RASGRP3: variants seen among roughly 807,000 people sequenced by gnomAD.
RASGRP3 encodes RAS guanyl releasing protein 3.
A neutral mutation model predicts 82.7 loss-of-function variants in RASGRP3; 54 were observed. That is an observed-to-expected ratio of 0.65 (90% CI 0.52 to 0.82). RASGRP3 has a LOEUF of 0.82. RASGRP3 is among the 40% of genes least tolerant of loss of function. RASGRP3 has a pLI of 0.00. For missense variants in RASGRP3, 861 were observed against 828.9 expected (o/e 1.04, Z -0.48); for synonymous variants, 309 against 300.5 (o/e 1.03, Z -0.29).
chr2:33,527,161 G>T lies in RASGRP3; in HGVS notation c.832G>T (p.Val278Phe). The T allele has an allele frequency of 1.9e-6, 3 of 1,613,996 alleles. No homozygotes were observed. Among genetic ancestry groups the T allele is most frequent in the Admixed American group, 1.7e-5 (1 of 60,018 alleles). ...TKNWNEMTELVSSNGNYCNYR... is the reference protein window; with the variant it reads ...TKNWNEMTELFSSNGNYCNYR... ...GAACTGGAATGAAATGACAGAGTTG[G>T]TCTCCTCCAACGGCAATTACTGCAA... Residue 278 changes from valine to phenylalanine, a missense_variant, in exon 10 of 18, where the codon GTC becomes TTC. Coordinates refer to ENST00000403687, the MANE Select transcript of RASGRP3 (RefSeq NM_001139488.2).
chr2:33,507,594 C>T (rs1007883592), intron 1 of RASGRP3, among the ~76,000 whole-genome samples: 15 of 152,186 alleles, frequency 9.9e-5, no homozygotes, highest in African/African-American at 1.7e-4. Context: ...AGCAGGATCT[C>T]GACTCCCTGC....
chr2:33,448,241 A>T (rs1551485), intron 2 of RASGRP3, among the ~76,000 whole-genome samples: 53,004 of 151,934 alleles, frequency 0.35, 11,755 homozygotes, highest in Non-Finnish European at 0.49. Flanking sequence ...TTCAACTACT[A>T]TTTGCCTCTG....
intron 2 of RASGRP3, among the ~76,000 whole-genome samples, chr2:33,452,842 C>A (rs1365879236): frequency 6.6e-6 from 1 of 152,150 alleles, no homozygotes; most frequent in South Asian, 2.1e-4. Context: ...GGCCTGCTTG[C>A]AGCCTGGGGC....
At chr2:33,499,323 C>T (rs1375255296) in intron 1 of RASGRP3, among the ~76,000 whole-genome samples, 4 of 152,028 alleles carry the variant, frequency 2.6e-5, no homozygotes, top group Non-Finnish European at 5.9e-5. Flanking sequence ...TTTGGGAGAC[C>T]GAGGTGGGTG....
chr2:33,497,402 T>C (rs1198976462), intron 1 of RASGRP3, among the ~76,000 whole-genome samples: 2 of 152,330 alleles, frequency 1.3e-5, no homozygotes, highest in East Asian at 3.9e-4. Context: ...AGGTTCTCTT[T>C]TTAATTTTAG....
chr2:33,467,114 A>T lies in RASGRP3; in HGVS notation c.-261+19171A>T, dbSNP rs1269978167. ...CTACTTGGTATTATATATAATAATT[A>T]TGATTACTTCTATATGCCTTTCTAC... On this transcript the variant is annotated intron_variant, in intron 2 of 18. Transcript: ENST00000402538. Among the ~76,000 whole-genome samples, 6 of 152,080 alleles carry T rather than the reference A, an allele frequency of 3.9e-5. No homozygotes were observed. In the South Asian group the frequency reaches 6.2e-4, roughly 16 times the overall value.
chr2:33,509,379 G>A lies in RASGRP3; in HGVS notation c.-260-2331G>A, dbSNP rs1408687543. ...ATCATGCCACTGCACTCCAGCCTGG[G>A]CAACAGAGCAAGACCATCTCAAAAA... On this transcript the variant is annotated intron_variant, in intron 1 of 17. Transcript: ENST00000403687. 4.0e-5 allele frequency among the ~76,000 whole-genome samples: 6 copies of A among 151,262 alleles called. No individual in the cohort carries two copies. The East Asian group carries it at 1.2e-3, about 29-fold the overall frequency.
chr2:33,508,084 G>C (rs1199829675), intron 1 of RASGRP3, among the ~76,000 whole-genome samples: 1 of 152,178 alleles, frequency 6.6e-6, no homozygotes, highest in Non-Finnish European at 1.5e-5. Flanking sequence ...ATAATTCCCA[G>C]ATTTCTAGCT....
intron 10 of RASGRP3, chr2:33,531,916 G>C (rs1232631918): frequency 6.6e-6 from 1 of 152,186 alleles, no homozygotes; most frequent in Non-Finnish European, 1.5e-5. Context: ...TGAGTCAGGA[G>C]GAAGGGAACA....
intron 1 of RASGRP3, among the ~76,000 whole-genome samples, chr2:33,500,609 A>G (rs1669774654): frequency 6.6e-6 from 1 of 152,192 alleles, no homozygotes; most frequent in South Asian, 2.1e-4. Flanking sequence ...CCATAGACCA[A>G]GGAAGGAAAT....
chr2:33,529,503 C>G (rs944011420), intron 10 of RASGRP3, among the ~76,000 whole-genome samples: 5 of 46,108 alleles, frequency 1.1e-4, no homozygotes, highest in African/African-American at 4.8e-4. Flanking sequence ...AAAAAAAATT[C>G]AGGAGTACAA....
intron 1 of RASGRP3, among the ~76,000 whole-genome samples, chr2:33,443,767 G>C (rs946396689): frequency 1.4e-5 from 2 of 147,312 alleles, no homozygotes; most frequent in Admixed American, 6.9e-5. Flanking sequence ...TATAGTCCTA[G>C]ATATTCAGGA....
chr2:33,552,010 CAAACAAACAAACAAACA>C (rs1466567902), intron 14 of RASGRP3, among the ~76,000 whole-genome samples: 25 of 121,178 alleles, frequency 2.1e-4, no homozygotes, highest in African/African-American at 9.4e-4. Context: ...AACAAACAAA[CAAACAAACAAACAAACA>C]GAGAAACAAA....
intron 1 of RASGRP3, among the ~76,000 whole-genome samples, chr2:33,478,922 A>G (rs182754186): frequency 6.6e-6 from 1 of 152,310 alleles, no homozygotes; most frequent in East Asian, 1.9e-4. Flanking sequence ...GTTACATATT[A>G]TTATTCCAGT....
intron 17 of RASGRP3, among the ~76,000 whole-genome samples, chr2:33,562,257 ATCTC>A (rs776614427): frequency 5.6e-5 from 8 of 142,238 alleles, no homozygotes; most frequent in Admixed American, 1.5e-4. Flanking sequence ...GAACTACATG[ATCTC>A]TCTCTCTTTT....
chr2:33,558,583 ATGCCAGACTCG>A, intron 16 of RASGRP3, 78 bp from the exon 17 acceptor site: 1 of 1,240,026 alleles, frequency 8.1e-7, no homozygotes, highest in African/African-American at 1.5e-5. Flanking sequence ...AGAATGTTGC[ATGCCAGACTCG>A]TGCTGTTTGC....
At chr2:33,460,607 C>T (rs543839005) in intron 2 of RASGRP3, among the ~76,000 whole-genome samples, 6 of 151,814 alleles carry the variant, frequency 4.0e-5, no homozygotes, top group African/African-American at 1.2e-4. Flanking sequence ...TTTCACCTCC[C>T]GTGTTCAAGC....
At chr2:33,540,683 C>T (rs1214113605) in intron 12 of RASGRP3, among the ~76,000 whole-genome samples, 1 of 142,848 alleles carries the variant, frequency 7.0e-6, no homozygotes, top group African/African-American at 2.5e-5. Flanking sequence ...TCCCTTTTCT[C>T]CAAATTCCTT....
intron 5 of RASGRP3, 86 bp downstream of exon 5, chr2:33,520,100 T>C (rs1162846638): frequency 1.8e-6 from 2 of 1,130,114 alleles, no homozygotes; most frequent in African/African-American, 3.1e-5. Context: ...GCAGACCTAG[T>C]TTGACAACAG....
Sources: gnomAD v4.1 joint callset for allele counts (sites outside exome capture counted in the v4.1 genomes callset) on GRCh38, gnomAD v4.1.1 for gene constraint, MANE v1.5 for transcripts, NCBI Gene and HGNC (gene_info 2026-07-23, HGNC 2026-07-21) for gene names.